The following ZNF366 variants were observed in gnomAD, a reference collection of about 807,000 sequenced individuals.
ZNF366 encodes the protein dendritic cell-specific transcript protein.
In ZNF366, 20 loss-of-function variants were observed where a neutral mutation model predicts 47.2. The observed-to-expected ratio is 0.42, with a 90% CI of 0.30 to 0.62. The LOEUF is 0.62. ZNF366 is among the 20% of genes least tolerant of loss of function. ZNF366 has a pLI of 0.16. For synonymous variants in ZNF366, 421 were observed against 395.1 expected (o/e 1.07, Z -0.78); for missense variants, 987 against 976.3 (o/e 1.01, Z -0.15).
At chr5:72,493,925 T>G (rs1744060953) in intron 1 of ZNF366, among the ~76,000 whole-genome samples, 1 of 143,934 alleles carries the variant, frequency 6.9e-6, no homozygotes, top group South Asian at 2.3e-4. Flanking sequence ...CAGCTTTTTT[T>G]TTTTTTTTTT....
chr5:72,450,184 T>C (rs1285174869), intron 3 of ZNF366, among the ~76,000 whole-genome samples: 2 of 152,218 alleles, frequency 1.3e-5, no homozygotes, highest in East Asian at 3.8e-4. Flanking sequence ...CTTCATAAGA[T>C]ATTTTCAGAC....
chr5:72,468,113 C>T (rs1743471567), intron 1 of ZNF366, among the ~76,000 whole-genome samples: 1 of 152,184 alleles, frequency 6.6e-6, no homozygotes, highest in African/African-American at 2.4e-5. Context: ...CTGAGTTCTT[C>T]ATTTGTAGAT....
At chr5:72,464,549 G>A (rs142953632) in intron 1 of ZNF366, among the ~76,000 whole-genome samples, 5 of 151,608 alleles carry the variant, frequency 3.3e-5, no homozygotes, top group South Asian at 2.1e-4. Context: ...AAAAAATGTC[G>A]AACAGAGATG....
intron 4 of ZNF366, among the ~76,000 whole-genome samples, chr5:72,446,608 A>G (rs189548731): frequency 6.6e-6 from 1 of 152,304 alleles, no homozygotes; most frequent in African/African-American, 2.4e-5. Context: ...GGGGAGGTGT[A>G]AACCCCTGCT....
At chr5:72,448,100 T>C (rs567237233) in intron 3 of ZNF366, among the ~76,000 whole-genome samples, 7 of 152,362 alleles carry the variant, frequency 4.6e-5, no homozygotes, top group African/African-American at 1.7e-4. Flanking sequence ...ATACACTGTA[T>C]TATTGTATAC....
intron 1 of ZNF366, among the ~76,000 whole-genome samples, chr5:72,462,396 C>A (rs2112329793): frequency 6.6e-6 from 1 of 152,204 alleles, no homozygotes; most frequent in South Asian, 2.1e-4. Context: ...CTGACATGTC[C>A]CCTGCTGACA....
In ZNF366 at chr5:72,440,980, C is replaced by T. The variant is rs770541915; in HGVS notation, c.*2776G>A. The T allele has an allele frequency of 6.6e-6, 1 of 152,144 alleles. No individual in the cohort carries two copies. Among genetic ancestry groups the T allele is most frequent in the Admixed American group, 6.5e-5 (1 of 15,276 alleles). 9.4% of individuals were successfully genotyped at this position (152,144 alleles called of 1,614,324 possible). ...TCCAAATAAAATTTTACTTAGAATGCTAATGTATAAATCAGATGGAACTTG... is the reference window on the plus strand; with the variant it reads ...TCCAAATAAAATTTTACTTAGAATGTTAATGTATAAATCAGATGGAACTTG... On this transcript the variant is annotated 3_prime_UTR_variant, in exon 5 of 5. Transcript: ENST00000318442.
rs77140076 is a variant in ZNF366 at position 72,456,226 on chromosome 5, T to C, written c.1524+178A>G. 7.2e-3 allele frequency among the ~76,000 whole-genome samples: 1,093 copies of C among 152,194 alleles called. 17 individuals are homozygous for C. Among genetic ancestry groups the C allele is most frequent in the African/African-American group, 0.024 (991 of 41,510 alleles). ...CTCCTTAGGGACCTCCAGCCTGGCA[T>C]GATGTAAGTGGGGCGTGCAGAGAGG... is the stretch of plus-strand genomic sequence containing the variant. On this transcript the variant is annotated intron_variant, in intron 3 of 4. Transcript: ENST00000318442.
At chr5:72,462,054 T>C (rs972025055) in intron 1 of ZNF366, among the ~76,000 whole-genome samples, 35 of 152,204 alleles carry the variant, frequency 2.3e-4, no homozygotes, top group Non-Finnish European at 3.2e-4. Context: ...ACTCCCTTGC[T>C]TGGGCCTTTG....
chr5:72,470,176 T>A (rs1050278853), intron 1 of ZNF366, among the ~76,000 whole-genome samples: 1 of 152,226 alleles, frequency 6.6e-6, no homozygotes, highest in Non-Finnish European at 1.5e-5. Flanking sequence ...GGGCATCATA[T>A]CCCCTAAGCT....
intron 3 of ZNF366, among the ~76,000 whole-genome samples, chr5:72,451,195 A>G (rs951948950): frequency 6.6e-6 from 1 of 152,258 alleles, no homozygotes; most frequent in African/African-American, 2.4e-5. Flanking sequence ...CTCTGATCTC[A>G]TTGCGCAGGT....
chr5:72,442,746 C>G lies in ZNF366; in HGVS notation c.*1010G>C, dbSNP rs1742882303. ...TCTCAGCTCAGCTCACTGCAATCTC[C>G]ACTGCCTGGGTTCAAACGATTCTCC... On this transcript the variant is annotated 3_prime_UTR_variant, in exon 5 of 5. Transcript: ENST00000318442. 6.6e-6 allele frequency: 1 copy of G among 151,800 alleles called. No individual in the cohort carries two copies. The highest frequency in any genetic ancestry group is 1.5e-5 in the Non-Finnish European group (1 of 68,054). 9.4% of individuals were successfully genotyped at this position (151,800 alleles called of 1,614,324 possible).
chr5:72,502,979 G>C (rs917768176), intron 1 of ZNF366, among the ~76,000 whole-genome samples: 2 of 152,090 alleles, frequency 1.3e-5, no homozygotes, highest in Non-Finnish European at 2.9e-5. Context: ...CAAAAAATTA[G>C]CCAGGCGTGG....
At chr5:72,495,559 G>A (rs1304873265) in intron 1 of ZNF366, among the ~76,000 whole-genome samples, 2 of 152,118 alleles carry the variant, frequency 1.3e-5, no homozygotes, top group Non-Finnish European at 2.9e-5. Flanking sequence ...AAGAGAACAT[G>A]GTCCCAATAA....
At chr5:72,504,964 T>C (rs1744292261) in intron 1 of ZNF366, among the ~76,000 whole-genome samples, 1 of 152,172 alleles carries the variant, frequency 6.6e-6, no homozygotes, top group Non-Finnish European at 1.5e-5. Flanking sequence ...AAACCAAAAG[T>C]AGTACAACAA....
chr5:72,466,222 G>A (rs1743424715), intron 1 of ZNF366, among the ~76,000 whole-genome samples: 2 of 152,346 alleles, frequency 1.3e-5, no homozygotes, highest in Admixed American at 1.3e-4. Flanking sequence ...AGGCTAGGGT[G>A]AGTTTATTCA....
chr5:72,460,757 C>A lies in ZNF366; in HGVS notation c.740G>T (p.Gly247Val), dbSNP rs1561193820. ...QIDDSYYVDV[G>V]GSQKRWQCPT... The stretch of plus-strand genomic sequence containing the variant: ...GCACTGCCAGCGCTTCTGCGAGCCG[C>A]CCACGTCCACGTAGTAGCTGTCATC... Residue 247 changes from glycine (G) to valine (V), a missense_variant, in exon 2 of 5, where the codon GGC becomes GTC. Around this residue, in one of 3 missense-constraint regions of ZNF366, gnomAD observed 591 missense variants for 560.9 expected, o/e 1.05. Coordinates refer to ENST00000318442, the MANE Select transcript of ZNF366 (RefSeq NM_152625.3). 1 of 1,614,212 alleles carries A rather than the reference C, an allele frequency of 6.2e-7. No individual in the cohort carries two copies. Among genetic ancestry groups the A allele is most frequent in the East Asian group, 2.2e-5 (1 of 44,866 alleles).
chr5:72,477,205 C>T (rs1268356039), intron 1 of ZNF366, among the ~76,000 whole-genome samples: 2 of 152,218 alleles, frequency 1.3e-5, no homozygotes, highest in Non-Finnish European at 2.9e-5. Flanking sequence ...GAATATCTAG[C>T]TCATATTTTT....
At chr5:72,474,583 T>G (rs1743633212) in intron 1 of ZNF366, among the ~76,000 whole-genome samples, 1 of 152,142 alleles carries the variant, frequency 6.6e-6, no homozygotes, top group African/African-American at 2.4e-5. Flanking sequence ...TCTATGTTAA[T>G]TTTTTTAATA....
Sources: gnomAD v4.1 joint callset for allele counts (sites outside exome capture counted in the v4.1 genomes callset) on GRCh38, gnomAD v4.1.1 for gene constraint, gnomAD v4.1.1 regional missense constraint, MANE v1.5 for transcripts, NCBI Gene and HGNC (gene_info 2026-07-23, HGNC 2026-07-21) for gene names.